The following ARHGAP10 variants were observed in gnomAD, a reference collection of about 807,000 sequenced individuals.
ARHGAP10 encodes rho GTPase-activating protein 10.
In ARHGAP10, 87 loss-of-function variants were observed where a neutral mutation model predicts 108.6. That is an observed-to-expected ratio of 0.80 (90% CI 0.67 to 0.96). ARHGAP10 has a LOEUF of 0.96. Ranked by LOEUF, ARHGAP10 falls within the 40% of genes least tolerant of loss-of-function variation. The pLI, the probability that ARHGAP10 is intolerant of heterozygous loss-of-function variation, is 0.00. For synonymous variants in ARHGAP10, 347 were observed against 341.1 expected, an observed-to-expected ratio of 1.02 and a Z score of -0.19; for missense variants, 939 against 954.5, an observed-to-expected ratio of 0.98 and a Z score of 0.21.
At chr4:147,910,128 C>T (rs1482230523) in intron 12 of ARHGAP10, among the ~76,000 whole-genome samples, 1 of 151,992 alleles carries the variant, frequency 6.6e-6, no homozygotes, top group Non-Finnish European at 1.5e-5. Flanking sequence ...CCACTTCAGT[C>T]TCCTGAGTAG....
intron 1 of ARHGAP10, among the ~76,000 whole-genome samples, chr4:147,774,137 G>C (rs977742833): frequency 6.6e-6 from 1 of 152,204 alleles, no homozygotes; most frequent in African/African-American, 2.4e-5. Flanking sequence ...GGCAATTTAG[G>C]ATAGTGCCTG....
intron 3 of ARHGAP10, among the ~76,000 whole-genome samples, chr4:147,832,445 A>C (rs1458835500): frequency 6.6e-6 from 1 of 151,742 alleles, no homozygotes; most frequent in Middle Eastern, 3.4e-3. Context: ...TCAGGAGTTC[A>C]AGACCATCCT....
At chr4:148,050,213 T>C (rs1158446511) in intron 20 of ARHGAP10, among the ~76,000 whole-genome samples, 2 of 152,028 alleles carry the variant, frequency 1.3e-5, no homozygotes, top group African/African-American at 4.8e-5. Flanking sequence ...CTTTGAACTT[T>C]TTTGTGATAT....
At chr4:147,785,558 TAAATG>T (rs1730858480) in intron 1 of ARHGAP10, among the ~76,000 whole-genome samples, 1 of 152,180 alleles carries the variant, frequency 6.6e-6, no homozygotes, top group African/African-American at 2.4e-5. Flanking sequence ...ATCTAGGACA[TAAATG>T]ACATGTAGTT....
chr4:148,023,993 C>CCACGTTGTTGCCACGTGG (rs1417544736), intron 19 of ARHGAP10, among the ~76,000 whole-genome samples: 2 of 152,150 alleles, frequency 1.3e-5, no homozygotes, highest in African/African-American at 4.8e-5. Context: ...CCATGCTGTT[C>CCACGTTGTTGCCACGTGG]AGCTAATCGT....
chr4:147,876,592 C>A (rs573933607), intron 8 of ARHGAP10, among the ~76,000 whole-genome samples: 1 of 151,360 alleles, frequency 6.6e-6, no homozygotes, highest in Non-Finnish European at 1.5e-5. Context: ...GACTCTGTCT[C>A]AAAAAAAGGA....
At chr4:147,896,824 A>G (rs1008408437) in intron 10 of ARHGAP10, among the ~76,000 whole-genome samples, 26 of 152,106 alleles carry the variant, frequency 1.7e-4, no homozygotes, top group African/African-American at 6.0e-4. Flanking sequence ...TTATTTCCTT[A>G]TGTGATTAGG....
At chr4:148,068,550 T>C (rs762212086) in intron 22 of ARHGAP10, among the ~76,000 whole-genome samples, 9 of 152,246 alleles carry the variant, frequency 5.9e-5, no homozygotes, top group Admixed American at 2.0e-4. Flanking sequence ...TTCTGACTTA[T>C]GTGCTTCTGG....
At chr4:147,944,756 A>G (rs1425733783) in intron 14 of ARHGAP10, among the ~76,000 whole-genome samples, 2 of 152,154 alleles carry the variant, frequency 1.3e-5, no homozygotes, top group African/African-American at 4.8e-5. Context: ...AGTCTTTTCC[A>G]TGAACCTCTT....
At chr4:147,896,263 A>G (rs1238051010) in intron 10 of ARHGAP10, among the ~76,000 whole-genome samples, 2 of 152,144 alleles carry the variant, frequency 1.3e-5, no homozygotes, top group Non-Finnish European at 2.9e-5. Flanking sequence ...CTGTTTTTTC[A>G]TAAATGTGTG....
chr4:147,761,980 A>C (rs1445425063), intron 1 of ARHGAP10, among the ~76,000 whole-genome samples: 1 of 152,172 alleles, frequency 6.6e-6, no homozygotes, highest in Non-Finnish European at 1.5e-5. Context: ...AAACTGCCAG[A>C]TTCTCCATTA....
chr4:147,793,584 A>G (rs1326207728), intron 1 of ARHGAP10, among the ~76,000 whole-genome samples: 1 of 152,192 alleles, frequency 6.6e-6, no homozygotes, highest in South Asian at 2.1e-4. Flanking sequence ...GCCTGGACTC[A>G]GAGTAGGGAA....
chr4:147,827,552 A>G (rs1056038023), intron 3 of ARHGAP10, among the ~76,000 whole-genome samples: 4 of 152,090 alleles, frequency 2.6e-5, no homozygotes, highest in African/African-American at 9.7e-5. Flanking sequence ...GCCTTTGTAT[A>G]GTTTAGTAAG....
At chr4:148,015,470 A>G (rs1378004066) in intron 18 of ARHGAP10, among the ~76,000 whole-genome samples, 1 of 152,198 alleles carries the variant, frequency 6.6e-6, no homozygotes, top group African/African-American at 2.4e-5. Context: ...TCTGAGTTTT[A>G]GTGAACCAGA....
At chr4:148,022,304 G>A (rs1206033072) in intron 18 of ARHGAP10, among the ~76,000 whole-genome samples, 1 of 152,176 alleles carries the variant, frequency 6.6e-6, no homozygotes, top group Non-Finnish European at 1.5e-5. Flanking sequence ...TTAGGTATTT[G>A]TGGGTTTTAT....
chr4:147,797,557 T>C (rs994436244), intron 1 of ARHGAP10, among the ~76,000 whole-genome samples: 1 of 152,014 alleles, frequency 6.6e-6, no homozygotes, highest in Non-Finnish European at 1.5e-5. Context: ...GGACTACAGG[T>C]GCGCACCACC....
intron 1 of ARHGAP10, among the ~76,000 whole-genome samples, chr4:147,736,857 G>A (rs1481798287): frequency 6.6e-6 from 1 of 152,162 alleles, no homozygotes; most frequent in Middle Eastern, 3.2e-3. Context: ...CCAAGGAGAC[G>A]TGACAGGAAG....
intron 10 of ARHGAP10, 49 bp downstream of exon 10, chr4:147,881,981 A>T: frequency 6.4e-7 from 1 of 1,563,724 alleles, no homozygotes; most frequent in Non-Finnish European, 8.7e-7. Context: ...TTTTAAAAAA[A>T]TGATTTAAAA....
chr4:148,026,159 G>C (rs1741756836), intron 19 of ARHGAP10, among the ~76,000 whole-genome samples: 1 of 152,180 alleles, frequency 6.6e-6, no homozygotes, highest in Admixed American at 6.5e-5. Context: ...GAAGTGGTTT[G>C]TGGTATGTTA....
Sources: allele counts gnomAD v4.1 joint callset (sites outside exome capture counted in the v4.1 genomes callset), GRCh38; gene constraint gnomAD v4.1.1; transcripts MANE v1.5; gene names NCBI Gene and HGNC (gene_info 2026-07-23, HGNC 2026-07-21).